Variants in SEL1L2 observed in about 807,000 individuals in gnomAD.
SEL1L2 encodes the protein SEL1L2 adaptor subunit of SYVN1 ubiquitin ligase, also known as protein sel-1 homolog 2.
Under a neutral mutation model 98.8 loss-of-function variants are expected in SEL1L2, and 89 were observed. That is an observed-to-expected ratio of 0.90 (90% confidence interval 0.76 to 1.07). The LOEUF is 1.07. SEL1L2 is among the 50% of genes least tolerant of loss of function. The probability of loss-of-function intolerance (pLI) is 0.00; values close to 1 mark genes in which losing one functional copy is unlikely to be tolerated. For missense variants in SEL1L2, 788 were observed against 812.0 expected (o/e 0.97, Z 0.36); for synonymous variants, 262 against 278.5 (o/e 0.94, Z 0.59).
At position 13,888,800 on chromosome 20, in the gene SEL1L2, C is replaced by T. The variant is rs533237566; in HGVS notation, c.550-288G>A. On this transcript the variant is annotated intron_variant, in intron 5 of 19. Coordinates refer to ENST00000284951, the MANE Select transcript of SEL1L2 (RefSeq NM_025229.2). ...ACTACAGGCTCCAGCCACCACGCCCCGCTATTTTTTTTTTTTTTTGTATTT... is the reference window on the plus strand; with the variant it reads ...ACTACAGGCTCCAGCCACCACGCCCTGCTATTTTTTTTTTTTTTTGTATTT... Among the ~76,000 whole-genome samples, 436 of 104,244 alleles carry T rather than the reference C, an allele frequency of 4.2e-3. 8 individuals carry two copies. The highest frequency in any genetic ancestry group is 1.7e-3 in the Non-Finnish European group (89 of 53,408). The allele number at this position is 104,244 out of a possible 152,430, so 68.4% of individuals were successfully genotyped here. A position where few individuals can be genotyped will look rare whatever the true frequency, so the allele number is the denominator to read the frequency against.
chr20:13,983,710 G>A (rs1324464642), intron 1 of SEL1L2, among the ~76,000 whole-genome samples: 3 of 151,860 alleles, frequency 2.0e-5, no homozygotes, highest in African/African-American at 7.3e-5. Flanking sequence ...TAGTAGAGAC[G>A]GGGTTTCTCC....
At chr20:13,946,832 T>G (rs1210499922) in intron 2 of SEL1L2, among the ~76,000 whole-genome samples, 1 of 152,180 alleles carries the variant, frequency 6.6e-6, no homozygotes, top group African/African-American at 2.4e-5. Flanking sequence ...AGGTGGAGCC[T>G]GGGCACTGTT....
At chr20:13,943,805 G>T (rs773637267) in intron 2 of SEL1L2, among the ~76,000 whole-genome samples, 21 of 152,224 alleles carry the variant, frequency 1.4e-4, no homozygotes, top group Non-Finnish European at 2.8e-4. Context: ...TAGAAAATGA[G>T]GGATGTGCTA....
intron 5 of SEL1L2, among the ~76,000 whole-genome samples, chr20:13,901,532 A>T (rs1380033621): frequency 6.6e-6 from 1 of 152,202 alleles, no homozygotes; most frequent in Non-Finnish European, 1.5e-5. Flanking sequence ...GTAATTTTAT[A>T]AAAAATGTGA....
At chr20:13,938,423 T>G (rs534271396) in intron 2 of SEL1L2, among the ~76,000 whole-genome samples, 1 of 152,334 alleles carries the variant, frequency 6.6e-6, no homozygotes, top group South Asian at 2.1e-4. Flanking sequence ...TCTGTCAGTC[T>G]TCTAAGGCTA....
upstream of SEL1L2, among the ~76,000 whole-genome samples, chr20:13,992,289 AG>A (rs1398773624): frequency 6.6e-6 from 1 of 152,044 alleles, no homozygotes; most frequent in African/African-American, 2.4e-5. Flanking sequence ...GGGTCATCTG[AG>A]GTCAGGAGTT....
At chr20:13,936,101 A>G (rs2148344325) in intron 2 of SEL1L2, among the ~76,000 whole-genome samples, 1 of 152,330 alleles carries the variant, frequency 6.6e-6, no homozygotes, top group South Asian at 2.1e-4. Context: ...AGTCTCTGAC[A>G]TCTTCACTTG....
Position 13,866,778 on chromosome 20 carries a change from G to T in SEL1L2, c.1328C>A (p.Pro443His). The change falls in exon 15 of 20, where the codon CCC becomes CAC. Residue 443 changes from proline (P) to histidine (H), a missense_variant. By Grantham distance (77) the Pro-to-His change is moderately conservative. Coordinates refer to ENST00000284951, the MANE Select transcript of SEL1L2 (RefSeq NM_025229.2). ...YFYLASQSGQ[P>H]LAIYYLAKMY... is the part of the protein sequence containing the mutation. The stretch of plus-strand genomic sequence containing the variant: ...CTTGGCCAGATAATAAATGGCAAGG[G>T]GCTGCCCACTCTGAGATGCCAGGTA... 1 of 1,612,922 alleles carries T rather than the reference G, an allele frequency of 6.2e-7. No individual in the cohort carries two copies. The highest frequency in any genetic ancestry group is 8.5e-7 in the Non-Finnish European group (1 of 1,179,488).
At chr20:13,973,894 T>A (rs2051401496) in intron 1 of SEL1L2, among the ~76,000 whole-genome samples, 1 of 152,188 alleles carries the variant, frequency 6.6e-6, no homozygotes, top group Non-Finnish European at 1.5e-5. Flanking sequence ...CCACACAATT[T>A]CTCAGAGATA....
intron 1 of SEL1L2, among the ~76,000 whole-genome samples, chr20:13,980,608 C>T (rs991928391): frequency 2.0e-5 from 3 of 152,158 alleles, no homozygotes; most frequent in South Asian, 2.1e-4. Flanking sequence ...AAAGAATTGG[C>T]ATATGATCCA....
At chr20:13,953,367 G>A (rs1454861762) in intron 2 of SEL1L2, among the ~76,000 whole-genome samples, 1 of 152,120 alleles carries the variant, frequency 6.6e-6, no homozygotes. Context: ...TTTCTGCCGG[G>A]TACCCTTAGC....
At chr20:13,923,732 C>T (rs933207758) in intron 3 of SEL1L2, among the ~76,000 whole-genome samples, 7 of 152,030 alleles carry the variant, frequency 4.6e-5, no homozygotes, top group Admixed American at 1.3e-4. Context: ...CCAGCCTTGG[C>T]GACAGAGTAA....
At chr20:13,987,101 G>T (rs192399457) in intron 1 of SEL1L2, among the ~76,000 whole-genome samples, 362 of 140,014 alleles carry the variant, frequency 2.6e-3, no homozygotes, top group Non-Finnish European at 4.5e-3. Context: ...AAAGTGCTGG[G>T]ATTACAGGCG....
intron 3 of SEL1L2, among the ~76,000 whole-genome samples, chr20:13,920,050 G>A (rs1466580682): frequency 1.3e-5 from 2 of 151,968 alleles, no homozygotes; most frequent in Non-Finnish European, 2.9e-5. Context: ...CCAACATGGT[G>A]AAACCCTGTC....
In SEL1L2 at chr20:13,918,989, A is replaced by G. The variant is rs751624536; in HGVS notation, c.386+32T>C. On this transcript the variant is annotated intron_variant, in intron 4 of 19. Transcript: ENST00000284951. ...TTCTTTTTTCTTAACCTGGAAATTC[A>G]ACTTGGCTAAGGTCACTGGATAAAG... The G allele has an allele frequency of 1.6e-5, 23 of 1,446,516 alleles. No homozygotes were observed. The South Asian group carries it at 2.7e-4, about 17-fold the overall frequency. The allele number at this position is 1,446,516 out of a possible 1,614,324, so 89.6% of individuals were successfully genotyped here. A position where few individuals can be genotyped will look rare whatever the true frequency, so the allele number is the denominator to read the frequency against.
At chr20:13,918,502 T>C (rs1326960402) in intron 4 of SEL1L2, among the ~76,000 whole-genome samples, 1 of 152,206 alleles carries the variant, frequency 6.6e-6, no homozygotes, top group East Asian at 1.9e-4. Context: ...CTATCTGTGC[T>C]CACCTCACTT....
intron 5 of SEL1L2, among the ~76,000 whole-genome samples, chr20:13,893,689 T>A (rs1305367593): frequency 1.3e-5 from 2 of 152,156 alleles, no homozygotes; most frequent in African/African-American, 4.8e-5. Flanking sequence ...CAAACAGACA[T>A]ATGTGGAACA....
chr20:13,867,966 G>A (rs2046003563), intron 14 of SEL1L2, among the ~76,000 whole-genome samples: 1 of 151,818 alleles, frequency 6.6e-6, no homozygotes, highest in African/African-American at 2.4e-5. Context: ...CTGCTGCCCT[G>A]GCTCCTCCTC....
chr20:13,967,111 GA>G (rs1373070047), intron 1 of SEL1L2, among the ~76,000 whole-genome samples: 1 of 151,546 alleles, frequency 6.6e-6, no homozygotes. Context: ...TTGAACTCCT[GA>G]CCTCGTGATC....
Sources: allele counts gnomAD v4.1 joint callset (sites outside exome capture counted in the v4.1 genomes callset), GRCh38; gene constraint gnomAD v4.1.1; transcripts MANE v1.5; gene names NCBI Gene and HGNC (gene_info 2026-07-23, HGNC 2026-07-21).